ZDHHC15: variants seen among roughly 807,000 people sequenced by gnomAD.
ZDHHC15 encodes zDHHC palmitoyltransferase 15.
A neutral mutation model predicts 31.7 loss-of-function variants in ZDHHC15; 19 were observed. That is an observed-to-expected ratio of 0.60 (90% CI 0.42 to 0.88). The LOEUF is 0.88. ZDHHC15 is among the 40% of genes least tolerant of loss of function. The pLI is 0.00. For synonymous variants in ZDHHC15, 103 were observed against 90.0 expected (o/e 1.14, Z -0.82); for missense variants, 209 against 251.2 (o/e 0.83, Z 1.14).
At chrX:75,422,276 G>A (rs2083655126) in intron 8 of ZDHHC15, among the ~76,000 whole-genome samples, 1 of 111,647 alleles carries the variant, frequency 9.0e-6, no homozygotes, top group South Asian at 3.7e-4. Flanking sequence ...AGCAGCCACG[G>A]GGGTAGTATG....
At chrX:75,399,572 T>C (rs1231833916) in intron 10 of ZDHHC15, among the ~76,000 whole-genome samples, 1 of 111,237 alleles carries the variant, frequency 9.0e-6, no homozygotes, top group African/African-American at 3.3e-5. Flanking sequence ...TAAACGACCC[T>C]TGGTCACAAC....
At chrX:75,454,547 C>A (rs1054875765) in intron 3 of ZDHHC15, among the ~76,000 whole-genome samples, 4 of 111,574 alleles carry the variant, frequency 3.6e-5, no homozygotes, top group African/African-American at 1.3e-4. Context: ...TACAGTCCCA[C>A]CAACAGTGTA....
At chrX:75,373,932 T>TTTTTTTTTG in intron 11 of ZDHHC15, among the ~76,000 whole-genome samples, 1 of 81,465 alleles carries the variant, frequency 1.2e-5, no homozygotes, top group Non-Finnish European at 2.6e-5. Context: ...TTCTGTTTTT[T>TTTTTTTTTG]TTTTTTTTTT....
chrX:75,386,344 T>C (rs2083179264), intron 10 of ZDHHC15, among the ~76,000 whole-genome samples: 1 of 112,255 alleles, frequency 8.9e-6, no homozygotes, highest in South Asian at 3.7e-4. Context: ...TTTATTTTTG[T>C]ATTATACCTT....
At chrX:75,514,800 G>A (rs1177938559) in intron 1 of ZDHHC15, among the ~76,000 whole-genome samples, 4 of 111,547 alleles carry the variant, frequency 3.6e-5, no homozygotes, top group Non-Finnish European at 7.5e-5. Flanking sequence ...TAGTACAGCA[G>A]TCCGAGATAG....
rs192665584 is a variant in ZDHHC15, at chrX:75,436,666, T to C, written c.380-5146A>G. 7.1e-5 allele frequency among the ~76,000 whole-genome samples: 8 copies of C among 112,344 alleles called. No homozygotes were observed. In the Admixed American group the frequency reaches 7.5e-4, roughly 11 times the overall value. On this transcript the variant is annotated intron_variant, in intron 4 of 11. Transcript: ENST00000373367. ...TTTTGAAGGTTCCTACTAAAGGTGA[T>C]TTCCAATTGTATTCCACTGTGGTCT...
At chrX:75,379,377 G>C (rs937632210) in intron 10 of ZDHHC15, among the ~76,000 whole-genome samples, 179 bp from the exon 11 acceptor site, 1 of 112,274 alleles carries the variant, frequency 8.9e-6, no homozygotes, top group Admixed American at 9.4e-5. Context: ...TCTAAGAATA[G>C]TCAGCCTGCT....
At chrX:75,385,600 T>C (rs748468705) in intron 10 of ZDHHC15, among the ~76,000 whole-genome samples, 5 of 111,311 alleles carry the variant, frequency 4.5e-5, no homozygotes, top group Non-Finnish European at 9.4e-5. Context: ...TTTTAATGAG[T>C]TCCCATCTAT....
chrX:75,422,128 C>G, intron 8 of ZDHHC15, 138 bp from the exon 9 acceptor site: 1 of 778,367 alleles, frequency 1.3e-6, no homozygotes, highest in Non-Finnish European at 1.7e-6. Context: ...GCACAGACCT[C>G]TCATTTTTAG....
chrX:75,377,682 A>C (rs2083074874), intron 11 of ZDHHC15, among the ~76,000 whole-genome samples: 1 of 110,506 alleles, frequency 9.0e-6, no homozygotes, highest in South Asian at 3.8e-4. Flanking sequence ...TGGTCCTGAT[A>C]AGTATTGCAC....
intron 3 of ZDHHC15, among the ~76,000 whole-genome samples, chrX:75,474,573 T>TACACACACACACACACACACACAC: frequency 1.6e-5 from 1 of 64,284 alleles, no homozygotes; most frequent in South Asian, 9.2e-4. Context: ...ATCCCCTTTA[T>TACACACACACACACACACACACAC]ACACACACAC....
intron 2 of ZDHHC15, among the ~76,000 whole-genome samples, chrX:75,479,819 A>C (rs1438287510): frequency 8.9e-6 from 1 of 111,886 alleles, no homozygotes; most frequent in Middle Eastern, 4.2e-3. Flanking sequence ...AGTTCCATCC[A>C]TCTTGCTGCA....
At chrX:75,520,155 A>C (rs2085422768) in intron 1 of ZDHHC15, among the ~76,000 whole-genome samples, 1 of 112,152 alleles carries the variant, frequency 8.9e-6, no homozygotes, top group Non-Finnish European at 1.9e-5. Context: ...AGTTGTTATA[A>C]AGATTAAGTG....
intron 2 of ZDHHC15, among the ~76,000 whole-genome samples, chrX:75,481,198 C>T (rs1251964524): frequency 9.0e-6 from 1 of 110,881 alleles, no homozygotes; most frequent in African/African-American, 3.3e-5. Flanking sequence ...TATGTTAACC[C>T]ATGTTCCTTC....
At chrX:75,500,437 CAATT>C (rs2148036423) in intron 2 of ZDHHC15, among the ~76,000 whole-genome samples, 1 of 109,237 alleles carries the variant, frequency 9.2e-6, no homozygotes, top group Admixed American at 1.0e-4. Context: ...CAGTATCACT[CAATT>C]AAAATAAACA....
intron 10 of ZDHHC15, among the ~76,000 whole-genome samples, chrX:75,407,921 T>A (rs2083438444): frequency 9.0e-6 from 1 of 111,372 alleles, no homozygotes; most frequent in Non-Finnish European, 1.9e-5. Flanking sequence ...CCCAACCCCG[T>A]GCTCTCTGAA....
chrX:75,403,351 T>A (rs1426237618), intron 10 of ZDHHC15, among the ~76,000 whole-genome samples: 2 of 111,879 alleles, frequency 1.8e-5, no homozygotes, highest in East Asian at 2.8e-4. Flanking sequence ...ATCCCTTCTA[T>A]TCAACGTAGT....
chrX:75,463,575 T>TACAGCAACAACAACA (rs1556021743), intron 3 of ZDHHC15, among the ~76,000 whole-genome samples: 4 of 100,700 alleles, frequency 4.0e-5, no homozygotes, highest in Non-Finnish European at 8.0e-5. Context: ...AACTCAAATT[T>TACAGCAACAACAACA]ACAACAACAA....
At chrX:75,388,061 A>C (rs1390611893) in intron 10 of ZDHHC15, among the ~76,000 whole-genome samples, 3 of 112,296 alleles carry the variant, frequency 2.7e-5, no homozygotes, top group Non-Finnish European at 5.6e-5. Context: ...AGGGAGCAGG[A>C]AGCTGTCATC....
Sources: gnomAD v4.1 joint callset for allele counts (sites outside exome capture counted in the v4.1 genomes callset) on GRCh38, gnomAD v4.1.1 for gene constraint, MANE v1.5 for transcripts, NCBI Gene and HGNC (gene_info 2026-07-23, HGNC 2026-07-21) for gene names.